LMBR1: variants seen among roughly 807,000 people sequenced by gnomAD.
The protein encoded by LMBR1 is limb development membrane protein 1, also known as limb region 1 protein homolog.
LMBR1 carries 52 observed loss-of-function variants against 73.9 expected under a neutral mutation model. The ratio of observed to expected loss-of-function variants is 0.70; its 90% CI spans 0.56 to 0.89. The LOEUF (loss-of-function observed/expected upper bound fraction) is 0.89. Among genes scored for constraint, LMBR1 ranks in the 40% least tolerant of loss-of-function variants. LMBR1 has a pLI of 0.00. For synonymous variants in LMBR1, 215 were observed against 209.4 expected (o/e 1.03, Z -0.23); for missense variants, 539 against 579.8 (o/e 0.93, Z 0.72).
At chr7:156,871,985 G>A (rs1799360164) in intron 1 of LMBR1, 1 of 152,142 alleles carries the variant, frequency 6.6e-6, no homozygotes, top group Admixed American at 6.5e-5. Context: ...AAATCGGAAA[G>A]GAAGAGGTAA....
chr7:156,716,626 T>G (rs7803654), intron 15 of LMBR1, among the ~76,000 whole-genome samples: 5,860 of 152,308 alleles, frequency 0.038, 148 homozygotes, highest in Non-Finnish European at 0.045. Context: ...CTTGGAAAAT[T>G]AAATATGTCC....
chr7:156,854,783 A>G (rs1046846665), intron 1 of LMBR1, among the ~76,000 whole-genome samples: 3 of 152,200 alleles, frequency 2.0e-5, no homozygotes, highest in Admixed American at 2.0e-4. Context: ...AGGCTGGAGT[A>G]TAATAACAGG....
chr7:156,857,931 T>G (rs528972653), intron 1 of LMBR1, among the ~76,000 whole-genome samples: 2 of 151,930 alleles, frequency 1.3e-5, no homozygotes, highest in East Asian at 3.9e-4. Flanking sequence ...TGAAAATGTG[T>G]GAGATGCAGC....
chr7:156,869,920 GT>G (rs547698241), intron 1 of LMBR1, among the ~76,000 whole-genome samples: 20 of 152,078 alleles, frequency 1.3e-4, no homozygotes, highest in Admixed American at 1.2e-3. Flanking sequence ...AAAAGGACAA[GT>G]TTTTGTTTAC....
intron 1 of LMBR1, among the ~76,000 whole-genome samples, chr7:156,877,021 A>G (rs1800275146): frequency 6.6e-6 from 1 of 152,190 alleles, no homozygotes; most frequent in Non-Finnish European, 1.5e-5. Context: ...AATACAAAAG[A>G]AAAATGAAAC....
intron 1 of LMBR1, among the ~76,000 whole-genome samples, chr7:156,850,180 A>G (rs1307141718): frequency 1.3e-5 from 2 of 152,130 alleles, no homozygotes; most frequent in East Asian, 3.9e-4. Context: ...GGAGTGGGTT[A>G]GTTACGGTGA....
At chr7:156,691,709 G>C (rs914810753) in intron 15 of LMBR1, among the ~76,000 whole-genome samples, 1 of 151,876 alleles carries the variant, frequency 6.6e-6, no homozygotes, top group Non-Finnish European at 1.5e-5. Context: ...TTTAATGTAA[G>C]ATTACCAGAA....
intron 9 of LMBR1, among the ~76,000 whole-genome samples, chr7:156,743,727 T>C (rs1819328632): frequency 6.6e-6 from 1 of 152,218 alleles, no homozygotes; most frequent in African/African-American, 2.4e-5. Flanking sequence ...GTTCAATGGT[T>C]ACTTTCACAT....
Position 156,728,666 on chromosome 7 carries a change from A to C in LMBR1, c.893T>G (p.Met298Arg). ...WERNLVYPAVMVLLLIETSIS... is the reference protein window; with the variant it reads ...WERNLVYPAVRVLLLIETSIS... Reference sequence around the variant, plus strand: ...TACTGTCTCAATAAGAAGGAGAACCATAACAGCGGGATACACCAAATTTCT... The same window carrying C: ...TACTGTCTCAATAAGAAGGAGAACCCTAACAGCGGGATACACCAAATTTCT... Residue 298 changes from methionine (M) to arginine (R), a missense_variant, in exon 11 of 17, where the codon ATG (methionine) becomes AGG (arginine). By Grantham distance (91) the Met-to-Arg change is moderately conservative. Coordinates refer to ENST00000353442, the MANE Select transcript of LMBR1 (RefSeq NM_022458.4). The C allele has an allele frequency of 1.9e-6, 3 of 1,600,542 alleles. No homozygotes were observed. The highest frequency in any genetic ancestry group is 2.5e-6 in the Non-Finnish European group (3 of 1,176,702).
At chr7:156,835,034 G>C (rs1049016211) in intron 2 of LMBR1, among the ~76,000 whole-genome samples, 2 of 152,130 alleles carry the variant, frequency 1.3e-5, no homozygotes, top group African/African-American at 2.4e-5. Flanking sequence ...CAGCTACTCA[G>C]GAGGCTGAAG....
intron 1 of LMBR1, among the ~76,000 whole-genome samples, chr7:156,881,060 G>A (rs1232392902): frequency 6.6e-6 from 1 of 152,158 alleles, no homozygotes; most frequent in Non-Finnish European, 1.5e-5. Flanking sequence ...GAACAAAGTT[G>A]GTGGCATCAC....
intron 15 of LMBR1, among the ~76,000 whole-genome samples, chr7:156,705,429 T>C (rs1563174114): frequency 6.6e-6 from 1 of 152,112 alleles, no homozygotes; most frequent in Non-Finnish European, 1.5e-5. Flanking sequence ...CATGGTAGCA[T>C]GTGCCTGTAG....
At chr7:156,720,385 G>GT (rs1200468021) in intron 15 of LMBR1, among the ~76,000 whole-genome samples, 2 of 152,170 alleles carry the variant, frequency 1.3e-5, no homozygotes, top group African/African-American at 4.8e-5. Context: ...CTAAATTTAG[G>GT]TATGTGTGAC....
At chr7:156,825,370 AC>A (rs1586054637) in intron 4 of LMBR1, among the ~76,000 whole-genome samples, 2 of 152,198 alleles carry the variant, frequency 1.3e-5, no homozygotes, top group East Asian at 1.9e-4. Flanking sequence ...AAAATGAGAG[AC>A]GGGTATGGGT....
At chr7:156,816,341 G>T (rs1411530137) in intron 4 of LMBR1, among the ~76,000 whole-genome samples, 1 of 152,108 alleles carries the variant, frequency 6.6e-6, no homozygotes, top group South Asian at 2.1e-4. Context: ...GAGCATCTGG[G>T]ATTATAGACA....
chr7:156,851,534 G>A (rs1045857007), intron 1 of LMBR1, among the ~76,000 whole-genome samples: 5 of 152,140 alleles, frequency 3.3e-5, no homozygotes, highest in African/African-American at 9.7e-5. Flanking sequence ...AAGAATGGAC[G>A]ACTATACACC....
At chr7:156,803,516 G>C (rs1373138459) in intron 4 of LMBR1, among the ~76,000 whole-genome samples, 1 of 152,286 alleles carries the variant, frequency 6.6e-6, no homozygotes, top group African/African-American at 2.4e-5. Flanking sequence ...GTGCTGGAGA[G>C]GATGTGGAGA....
intron 4 of LMBR1, among the ~76,000 whole-genome samples, chr7:156,816,799 T>C (rs924586348): frequency 3.3e-5 from 5 of 152,178 alleles, no homozygotes; most frequent in African/African-American, 9.6e-5. Flanking sequence ...TAACATTTTA[T>C]AAATATACAT....
chr7:156,817,114 C>T (rs1046759061), intron 4 of LMBR1, among the ~76,000 whole-genome samples: 9 of 152,020 alleles, frequency 5.9e-5, no homozygotes, highest in Non-Finnish European at 1.0e-4. Flanking sequence ...TAAAACAAAA[C>T]AAGACTGAAT....
Sources: allele counts gnomAD v4.1 joint callset (sites outside exome capture counted in the v4.1 genomes callset), GRCh38; gene constraint gnomAD v4.1.1; transcripts MANE v1.5; gene names NCBI Gene and HGNC (gene_info 2026-07-23, HGNC 2026-07-21).